GABRG3: variants seen among roughly 807,000 people sequenced by gnomAD.
The protein encoded by GABRG3 is gamma-aminobutyric acid type A receptor subunit gamma3.
GABRG3 carries 25 observed loss-of-function variants against 48.8 expected under a neutral mutation model. That is an observed-to-expected ratio of 0.51 (90% CI 0.37 to 0.72). The LOEUF is 0.72. GABRG3 is among the 30% of genes least tolerant of loss of function. GABRG3 has a pLI of 0.00. For missense variants in GABRG3, 394 were observed against 577.9 expected (o/e 0.68, Z 3.26); for synonymous variants, 227 against 217.6 (o/e 1.04, Z -0.38).
At chr15:27,275,182 G>A (rs1325056680) in intron 3 of GABRG3, among the ~76,000 whole-genome samples, 1 of 152,204 alleles carries the variant, frequency 6.6e-6, no homozygotes, top group Non-Finnish European at 1.5e-5. Context: ...AGCCATGCAT[G>A]TGACAGTCTC....
chr15:27,221,481 G>C lies in GABRG3; in HGVS notation c.271-105328G>C, dbSNP rs186983678. Among the ~76,000 whole-genome samples the C allele has an allele frequency of 3.3e-4, 50 of 152,140 alleles. No homozygotes were observed. The East Asian group carries it at 8.1e-3, about 25-fold the overall frequency. The stretch of plus-strand genomic sequence containing the variant: ...AAACTAAACTAAGGTAGACTGCATG[G>C]GTGCTAATTTTTAGTTTGAAAATAC... On this transcript the variant is annotated intron_variant, in intron 3 of 9. Coordinates refer to ENST00000615808, the MANE Select transcript of GABRG3 (RefSeq NM_033223.5).
intron 6 of GABRG3, among the ~76,000 whole-genome samples, chr15:27,509,062 A>G (rs1014659395): frequency 3.3e-5 from 5 of 152,078 alleles, no homozygotes; most frequent in Admixed American, 2.0e-4. Context: ...GTTTATGTCT[A>G]TTTCACTTTT....
intron 3 of GABRG3, among the ~76,000 whole-genome samples, chr15:27,216,778 A>AT (rs57030355): frequency 0.036 from 4,330 of 119,550 alleles, 149 homozygotes; most frequent in African/African-American, 0.099. Context: ...TTATTTTTTA[A>AT]TTTTTTTTTT....
At chr15:27,003,678 C>G (rs1315190993) in intron 2 of GABRG3, among the ~76,000 whole-genome samples, 11 of 152,196 alleles carry the variant, frequency 7.2e-5, no homozygotes, top group African/African-American at 4.8e-5. Context: ...CACCTTTCCC[C>G]CCTTTCTATT....
chr15:27,087,742 C>G (rs557480583), intron 3 of GABRG3, among the ~76,000 whole-genome samples: 5 of 151,414 alleles, frequency 3.3e-5, no homozygotes, highest in African/African-American at 1.2e-4. Context: ...ACTTGTGTGT[C>G]TGGTGTGCTG....
chr15:27,361,617 C>T (rs1034056597), intron 5 of GABRG3, among the ~76,000 whole-genome samples: 1 of 152,170 alleles, frequency 6.6e-6, no homozygotes, highest in African/African-American at 2.4e-5. Context: ...TGGCTCAGAG[C>T]CCAGGGAGAG....
At chr15:27,122,252 TAAGA>T (rs1387565799) in intron 3 of GABRG3, among the ~76,000 whole-genome samples, 3 of 152,088 alleles carry the variant, frequency 2.0e-5, no homozygotes, top group African/African-American at 7.2e-5. Flanking sequence ...CCACAAAAAT[TAAGA>T]ATGAAAAAAT....
chr15:27,497,003 C>T (rs1890503028), intron 6 of GABRG3, among the ~76,000 whole-genome samples: 1 of 151,668 alleles, frequency 6.6e-6, no homozygotes, highest in African/African-American at 2.4e-5. Flanking sequence ...GGCCAGGTCT[C>T]AGCAGCACCA....
At chr15:27,065,705 T>TC (rs762106700) in intron 3 of GABRG3, among the ~76,000 whole-genome samples, 6 of 152,246 alleles carry the variant, frequency 3.9e-5, no homozygotes, top group African/African-American at 1.4e-4. Flanking sequence ...TGAGCAGCCT[T>TC]CCGGCAGTCA....
At chr15:27,489,027 C>G (rs1890283976) in intron 6 of GABRG3, among the ~76,000 whole-genome samples, 1 of 151,986 alleles carries the variant, frequency 6.6e-6, no homozygotes, top group African/African-American at 2.4e-5. Flanking sequence ...TATCCTCCCC[C>G]ATCCCCCCAC....
intron 3 of GABRG3, among the ~76,000 whole-genome samples, chr15:27,130,936 G>T (rs1252976966): frequency 6.6e-6 from 1 of 151,432 alleles, no homozygotes; most frequent in African/African-American, 2.4e-5. Context: ...ATTTTTTTTG[G>T]TGTGAAATCT....
chr15:27,517,097 G>T (rs78664510), intron 6 of GABRG3, among the ~76,000 whole-genome samples: 1 of 147,484 alleles, frequency 6.8e-6, no homozygotes, highest in Admixed American at 6.8e-5. Flanking sequence ...CCATGCATGC[G>T]CCCAGCACTG....
chr15:27,394,727 T>C (rs544138757), intron 5 of GABRG3, among the ~76,000 whole-genome samples: 1 of 152,314 alleles, frequency 6.6e-6, no homozygotes, highest in African/African-American at 2.4e-5. Context: ...AAATACAAAA[T>C]TCTTGGTTGA....
At chr15:27,027,697 A>G (rs1416634362) in intron 3 of GABRG3, among the ~76,000 whole-genome samples, 1 of 152,188 alleles carries the variant, frequency 6.6e-6, no homozygotes, top group Non-Finnish European at 1.5e-5. Context: ...TCACTTAAAA[A>G]ATCTCCATAT....
chr15:27,295,407 C>G (rs1891948750), intron 3 of GABRG3, among the ~76,000 whole-genome samples: 1 of 152,070 alleles, frequency 6.6e-6, no homozygotes, highest in African/African-American at 2.4e-5. Flanking sequence ...AAAGCACGGG[C>G]TGGGCTTCTG....
intron 3 of GABRG3, among the ~76,000 whole-genome samples, chr15:27,249,806 A>G (rs568294252): frequency 5.3e-4 from 81 of 152,344 alleles, no homozygotes; most frequent in African/African-American, 1.9e-3. Context: ...GGCAAAAAGA[A>G]ATCAATGATA....
chr15:27,531,261 G>GC (rs1421941349), intron 9 of GABRG3, among the ~76,000 whole-genome samples: 2 of 152,156 alleles, frequency 1.3e-5, no homozygotes, highest in Non-Finnish European at 1.5e-5. Context: ...CAGATGCTTC[G>GC]CATTTACAAG....
intron 3 of GABRG3, among the ~76,000 whole-genome samples, chr15:27,048,097 C>G (rs1044683968): frequency 1.3e-5 from 2 of 152,120 alleles, no homozygotes; most frequent in Non-Finnish European, 2.9e-5. Flanking sequence ...CATCCTCTTC[C>G]AGCCTGGGGA....
intron 3 of GABRG3, among the ~76,000 whole-genome samples, chr15:27,287,049 T>G (rs1891636757): frequency 6.6e-6 from 1 of 152,186 alleles, no homozygotes; most frequent in Non-Finnish European, 1.5e-5. Context: ...TGGTTGATGG[T>G]TTTGTCCAGT....
Sources: allele counts gnomAD v4.1 joint callset (sites outside exome capture counted in the v4.1 genomes callset), GRCh38; gene constraint gnomAD v4.1.1; transcripts MANE v1.5; gene names NCBI Gene and HGNC (gene_info 2026-07-23, HGNC 2026-07-21).